The following ITGA1 variants were observed in gnomAD, a reference collection of about 807,000 sequenced individuals.
ITGA1 encodes the protein integrin alpha-1.
A neutral mutation model predicts 145.9 loss-of-function variants in ITGA1; 85 were observed. That is an observed-to-expected ratio of 0.58 (90% confidence interval 0.49 to 0.70). ITGA1 has a LOEUF of 0.70. ITGA1 is among the 30% of genes least tolerant of loss of function. The probability of loss-of-function intolerance (pLI) is 0.00; values close to 1 mark genes in which losing one functional copy is unlikely to be tolerated. For synonymous variants in ITGA1, 520 were observed against 495.3 expected (o/e 1.05, Z -0.66); for missense variants, 1,351 against 1,418.7 (o/e 0.95, Z 0.77).
intron 1 of ITGA1, chr5:52,800,889 G>A: frequency 1.2e-6 from 2 of 1,613,250 alleles, no homozygotes; most frequent in Non-Finnish European, 1.7e-6. Context: ...AGGTGGAGGT[G>A]AACATCCCTA....
chr5:52,942,421 C>T (rs1751067503), intron 26 of ITGA1, among the ~76,000 whole-genome samples: 1 of 151,898 alleles, frequency 6.6e-6, no homozygotes, highest in Admixed American at 6.6e-5. Flanking sequence ...TTTGTCTCAT[C>T]TCTGATTTCT....
Position 52,788,361 on chromosome 5 carries a change from C to G in ITGA1, c.8C>G (p.Pro3Arg), listed in dbSNP as rs1383663906. 4 of 1,510,740 alleles carry G rather than the reference C, an allele frequency of 2.6e-6. No individual in the cohort carries two copies. The highest frequency in any genetic ancestry group is 2.5e-5 in the South Asian group (2 of 81,390). 93.6% of individuals were successfully genotyped at this position (1,510,740 alleles called of 1,614,324 possible). The change falls in exon 1 of 29, where the codon CCT becomes CGT. Residue 3 changes from proline (P) to arginine (R), a missense_variant. Physicochemically the swap from Pro to Arg is moderately radical, Grantham distance 103 (BLOSUM62 -2). Coordinates refer to ENST00000282588, the MANE Select transcript of ITGA1 (RefSeq NM_181501.2). Reference sequence around the variant, plus strand: ...GCTGAGGCTGCTCCGGCCATGGCCCCTCGGCCCCGCGCCCGCCCAGGGGTC... The same window carrying G: ...GCTGAGGCTGCTCCGGCCATGGCCCGTCGGCCCCGCGCCCGCCCAGGGGTC... MA[P>R]RPRARPGVAV...
chr5:52,913,352 T>C (rs1750597150), intron 14 of ITGA1, among the ~76,000 whole-genome samples: 1 of 152,230 alleles, frequency 6.6e-6, no homozygotes, highest in Non-Finnish European at 1.5e-5. Context: ...ATTAAGTTGA[T>C]ATATTTTCGT....
intron 10 of ITGA1, 110 bp downstream of exon 10, chr5:52,897,638 A>C (rs950198820): frequency 5.7e-6 from 4 of 702,528 alleles, no homozygotes; most frequent in African/African-American, 5.3e-5. Context: ...CATAGCTTGA[A>C]CAATTATGCA....
intron 13 of ITGA1, 72 bp downstream of exon 13, chr5:52,909,113 C>T (rs1478441): frequency 0.79 from 1,169,538 of 1,472,404 alleles, 465,674 homozygotes; most frequent in African/African-American, 0.85. Context: ...TAATAAATTC[C>T]AATTTTTCAC....
chr5:52,792,009 TG>T (rs1342020588), intron 1 of ITGA1, among the ~76,000 whole-genome samples: 2 of 152,218 alleles, frequency 1.3e-5, no homozygotes, highest in African/African-American at 4.8e-5. Flanking sequence ...CAAACATAGT[TG>T]TCTAAAATAC....
At chr5:52,824,573 G>A (rs965819115) in intron 1 of ITGA1, 3 of 152,172 alleles carry the variant, frequency 2.0e-5, no homozygotes, top group South Asian at 2.1e-4. Flanking sequence ...TTACAAGCAT[G>A]AGCCACTGTG....
intron 2 of ITGA1, among the ~76,000 whole-genome samples, chr5:52,857,049 T>C (rs1357020135): frequency 2.0e-5 from 3 of 152,208 alleles, no homozygotes; most frequent in South Asian, 4.1e-4. Flanking sequence ...TAAAATGGAA[T>C]CTGCAAAGGC....
At chr5:52,923,777 G>T (rs952922421) in intron 18 of ITGA1, among the ~76,000 whole-genome samples, 4 of 152,156 alleles carry the variant, frequency 2.6e-5, no homozygotes, top group Non-Finnish European at 5.9e-5. Flanking sequence ...ATAAGCACTG[G>T]ATTGCAGTGT....
intron 23 of ITGA1, among the ~76,000 whole-genome samples, chr5:52,935,953 A>ATTT (rs1432000108): frequency 1.2e-5 from 1 of 84,302 alleles, no homozygotes; most frequent in Non-Finnish European, 2.5e-5. Context: ...AGAACACAGG[A>ATTT]TTTCTTTTTT....
intron 14 of ITGA1, among the ~76,000 whole-genome samples, chr5:52,911,336 A>G (rs536678967): frequency 3.7e-5 from 5 of 134,430 alleles, no homozygotes; most frequent in African/African-American, 1.1e-4. Context: ...TATATAGTGT[A>G]TATATAGTAT....
At position 52,890,712 on chromosome 5, in the gene ITGA1, T is replaced by A. The variant is rs1264637451; in HGVS notation, c.924+2747T>A. Among the ~76,000 whole-genome samples the A allele has an allele frequency of 2.0e-5, 3 of 152,366 alleles. No individual in the cohort carries two copies. In the South Asian group the frequency reaches 6.2e-4, roughly 32 times the overall value. ...GAATATCCATCACCTCAGACACTTA[T>A]CATTTCTTTGTGTTGGGAATATTCC... On this transcript the variant is annotated intron_variant, in intron 8 of 28. Coordinates refer to ENST00000282588, the MANE Select transcript of ITGA1 (RefSeq NM_181501.2).
rs140132760 is a variant in ITGA1, at chr5:52,922,812, G to A, written c.2328G>A (p.Thr776=). Residue 776 remains threonine (T), a synonymous_variant, in exon 18 of 29, where the codon ACG becomes ACA. Coordinates refer to ENST00000282588, the MANE Select transcript of ITGA1 (RefSeq NM_181501.2). ...ACTTTCAGGACTCTGTGAGAATAAC[G>A]TTGGACTTTAATCTTACCGATCCAG... ...KHDFQDSVRI[T]LDFNLTDPEN... The A allele has an allele frequency of 1.9e-5, 30 of 1,613,218 alleles. No homozygotes were observed. In the African/African-American group the frequency reaches 2.4e-4, roughly 13 times the overall value.
intron 2 of ITGA1, among the ~76,000 whole-genome samples, chr5:52,856,714 A>G (rs1195190346): frequency 1.1e-4 from 15 of 140,866 alleles, no homozygotes; most frequent in African/African-American, 4.1e-4. Flanking sequence ...GAGAGAGAGA[A>G]GCCACTAGGT....
At chr5:52,828,777 C>G (rs1316711730) in intron 1 of ITGA1, among the ~76,000 whole-genome samples, 1 of 152,122 alleles carries the variant, frequency 6.6e-6, no homozygotes, top group African/African-American at 2.4e-5. Flanking sequence ...AGTCCAAAAC[C>G]AAGATGTTGG....
intron 1 of ITGA1, among the ~76,000 whole-genome samples, chr5:52,846,378 G>A (rs572197204): frequency 2.0e-5 from 3 of 152,182 alleles, no homozygotes; most frequent in African/African-American, 7.2e-5. Context: ...ACACCAGCCT[G>A]CACAACAGAG....
chr5:52,920,679 T>A (rs1750717444), intron 17 of ITGA1, among the ~76,000 whole-genome samples: 1 of 152,260 alleles, frequency 6.6e-6, no homozygotes, highest in Non-Finnish European at 1.5e-5. Context: ...GTCTTCCCTG[T>A]CTGCATTATC....
chr5:52,940,509 C>T (rs1751039786), intron 26 of ITGA1, among the ~76,000 whole-genome samples: 3 of 151,134 alleles, frequency 2.0e-5, no homozygotes, highest in South Asian at 2.1e-4. Context: ...CCCGGGTTCA[C>T]GCCATTCTCC....
intron 1 of ITGA1, among the ~76,000 whole-genome samples, chr5:52,842,617 T>G (rs1237961901): frequency 6.6e-6 from 1 of 152,142 alleles, no homozygotes; most frequent in Non-Finnish European, 1.5e-5. Flanking sequence ...ATTTGTAAGC[T>G]CATTTCAAAT....
Sources: allele counts gnomAD v4.1 joint callset (sites outside exome capture counted in the v4.1 genomes callset), GRCh38; gene constraint gnomAD v4.1.1; transcripts MANE v1.5; gene names NCBI Gene and HGNC (gene_info 2026-07-23, HGNC 2026-07-21).